The following MTHFD1 variants were observed in gnomAD, a reference collection of about 807,000 sequenced individuals.
The protein encoded by MTHFD1 is C-1-tetrahydrofolate synthase, cytoplasmic.
In MTHFD1, 44 loss-of-function variants were observed where a neutral mutation model predicts 110.3. That is an observed-to-expected ratio of 0.40 (90% CI 0.31 to 0.51). The LOEUF (loss-of-function observed/expected upper bound fraction) is 0.51, where lower values mean the gene tolerates loss of function less well. MTHFD1 is among the 20% of genes least tolerant of loss of function. MTHFD1 has a pLI of 0.60. For synonymous variants in MTHFD1, 402 were observed against 428.8 expected, an observed-to-expected ratio of 0.94 and a Z score of 0.77; for missense variants, 909 against 1,173.1, an observed-to-expected ratio of 0.77 and a Z score of 3.29.
chr14:64,442,545 C>T, intron 21 of MTHFD1, 143 bp downstream of exon 21: 1 of 879,094 alleles, frequency 1.1e-6, no homozygotes, highest in East Asian at 2.6e-5. Flanking sequence ...GGCAGACAGC[C>T]CTTGTGTTGG....
At chr14:64,427,071 T>A (rs1450286355) in intron 11 of MTHFD1, among the ~76,000 whole-genome samples, 2 of 152,140 alleles carry the variant, frequency 1.3e-5, no homozygotes, top group Admixed American at 1.3e-4. Flanking sequence ...TTTTTTTCTT[T>A]AAGAGATGGG....
chr14:64,388,492 AG>A, intron 1 of MTHFD1, 24 bp downstream of exon 1: 1 of 1,608,990 alleles, frequency 6.2e-7, no homozygotes, highest in Non-Finnish European at 8.5e-7. Context: ...ATTGTTGTTG[AG>A]TGTGGGGCTG....
At chr14:64,408,937 A>G (rs981107521) in intron 2 of MTHFD1, among the ~76,000 whole-genome samples, 1 of 152,188 alleles carries the variant, frequency 6.6e-6, no homozygotes, top group Non-Finnish European at 1.5e-5. Flanking sequence ...TGGCAGAGTA[A>G]GACCCTGTCT....
At chr14:64,388,653 C>G in intron 1 of MTHFD1, 185 bp downstream of exon 1, 1 of 673,556 alleles carries the variant, frequency 1.5e-6, no homozygotes, top group Non-Finnish European at 2.7e-6. Flanking sequence ...AGTGGACTGC[C>G]TAGTGGCTGT....
intron 26 of MTHFD1, among the ~76,000 whole-genome samples, chr14:64,457,537 C>G (rs1041846778): frequency 3.3e-5 from 5 of 151,214 alleles, no homozygotes; most frequent in Admixed American, 6.6e-5. Flanking sequence ...CTCACTGCAA[C>G]CTCCGCCTCC....
chr14:64,398,828 T>A (rs2077876368), intron 1 of MTHFD1, among the ~76,000 whole-genome samples: 1 of 152,252 alleles, frequency 6.6e-6, no homozygotes, highest in South Asian at 2.1e-4. Context: ...GAACATTGTA[T>A]CATATATCAT....
At chr14:64,442,669 G>A (rs1400443608) in intron 21 of MTHFD1, among the ~76,000 whole-genome samples, 2 of 152,158 alleles carry the variant, frequency 1.3e-5, no homozygotes, top group Non-Finnish European at 2.9e-5. Context: ...CTCCAAGGAC[G>A]TGTACTCGGC....
At chr14:64,447,808 CAGAGT>C (rs1192846363) in intron 22 of MTHFD1, among the ~76,000 whole-genome samples, 1 of 152,082 alleles carries the variant, frequency 6.6e-6, no homozygotes, top group Non-Finnish European at 1.5e-5. Context: ...CTGTGCTGTG[CAGAGT>C]AGAGTTAATT....
chr14:64,407,341 T>C (rs993968825), intron 2 of MTHFD1, among the ~76,000 whole-genome samples: 2 of 151,940 alleles, frequency 1.3e-5, no homozygotes, highest in African/African-American at 4.8e-5. Context: ...GGTGCTTGCC[T>C]GTAGTCCCCA....
chr14:64,442,609 A>G (rs2140976236), intron 21 of MTHFD1, among the ~76,000 whole-genome samples: 1 of 152,250 alleles, frequency 6.6e-6, no homozygotes, highest in African/African-American at 2.4e-5. Context: ...GAGGGCCAAA[A>G]TCGGCTGCCT....
At chr14:64,426,596 G>T (rs965826084) in intron 11 of MTHFD1, among the ~76,000 whole-genome samples, 11 of 152,024 alleles carry the variant, frequency 7.2e-5, no homozygotes, top group African/African-American at 2.7e-4. Flanking sequence ...TCAGCCTCCC[G>T]AGTAGCTGGG....
intron 24 of MTHFD1, 116 bp from the exon 25 acceptor site, chr14:64,453,638 A>G: frequency 1.4e-6 from 1 of 710,742 alleles, no homozygotes. Context: ...GTATATGTAT[A>G]TAAAAACCAT....
intron 1 of MTHFD1, among the ~76,000 whole-genome samples, chr14:64,399,446 G>A (rs1188331132): frequency 6.6e-6 from 1 of 152,078 alleles, no homozygotes; most frequent in South Asian, 2.1e-4. Context: ...GGATCACGAA[G>A]TCAGGAGTTC....
chr14:64,447,620 T>C (rs1380333553), intron 22 of MTHFD1, among the ~76,000 whole-genome samples: 1 of 152,056 alleles, frequency 6.6e-6, no homozygotes, highest in Non-Finnish European at 1.5e-5. Context: ...ACTGGCCTGA[T>C]TCCTAAAGAT....
chr14:64,398,235 C>A (rs1181922491), intron 1 of MTHFD1, among the ~76,000 whole-genome samples: 5 of 152,082 alleles, frequency 3.3e-5, no homozygotes, highest in Admixed American at 2.6e-4. Flanking sequence ...CTTGAAAAAA[C>A]AAAGTCACTA....
chr14:64,424,452 A>G (rs1367363471), intron 8 of MTHFD1, among the ~76,000 whole-genome samples: 1 of 152,140 alleles, frequency 6.6e-6, no homozygotes, highest in African/African-American at 2.4e-5. Context: ...CACCCAAAAA[A>G]TTTCCTTTGT....
In MTHFD1 at chr14:64,424,645, G is replaced by A. The variant is rs570485438; in HGVS notation, c.728-159G>A. Reference sequence around the variant, plus strand: ...GCAGGTAAAATAATTTTCTCCCTAAGAAATAGCAAACATCTGTCATTCCAT... The same window carrying A: ...GCAGGTAAAATAATTTTCTCCCTAAAAAATAGCAAACATCTGTCATTCCAT... On this transcript the variant is annotated intron_variant, in intron 8 of 27. Transcript: ENST00000652337. 4.6e-5 allele frequency among the ~76,000 whole-genome samples: 7 copies of A among 152,286 alleles called. No individual in the cohort carries two copies. In the South Asian group the frequency reaches 1.5e-3, roughly 32 times the overall value.
intron 3 of MTHFD1, among the ~76,000 whole-genome samples, chr14:64,411,544 T>A (rs1396911164): frequency 2.0e-5 from 3 of 151,946 alleles, no homozygotes; most frequent in Non-Finnish European, 4.4e-5. Context: ...ATGTAAGAGG[T>A]GGGTAGGGAA....
In MTHFD1 at chr14:64,424,788, T is replaced by TC; in HGVS notation, c.728-11dup. The TC allele has an allele frequency of 1.2e-6, 2 of 1,613,480 alleles. No homozygotes were observed. ...GATTCTGAGACTTAGTTTTGATTTC[T>TC]CCCCCACTTGACCAGATGATAAAAA... is the stretch of plus-strand genomic sequence containing the variant. On this transcript the variant is annotated splice_polypyrimidine_tract_variant and intron_variant, in intron 8 of 27. Coordinates refer to ENST00000652337, the MANE Select transcript of MTHFD1 (RefSeq NM_005956.4).
Sources: gnomAD v4.1 joint callset for allele counts (sites outside exome capture counted in the v4.1 genomes callset) on GRCh38, gnomAD v4.1.1 for gene constraint, MANE v1.5 for transcripts, NCBI Gene and HGNC (gene_info 2026-07-23, HGNC 2026-07-21) for gene names.